EXOC6: variants seen among roughly 807,000 people sequenced by gnomAD.
EXOC6 encodes SEC15-like 1.
In EXOC6, 60 loss-of-function variants were observed where a neutral mutation model predicts 112.5. The ratio of observed to expected loss-of-function variants is 0.53; its 90% CI spans 0.43 to 0.66. The LOEUF (loss-of-function observed/expected upper bound fraction) is 0.66, where lower values mean the gene tolerates loss of function less well. Ranked by LOEUF, EXOC6 falls within the 30% of genes least tolerant of loss-of-function variation. The pLI, the probability that EXOC6 is intolerant of heterozygous loss-of-function variation, is 0.00. For synonymous variants in EXOC6, 295 were observed against 308.0 expected (o/e 0.96, Z 0.44); for missense variants, 855 against 957.1 (o/e 0.89, Z 1.41).
chr10:92,888,220 G>A (rs761894716), intron 1 of EXOC6, among the ~76,000 whole-genome samples: 114 of 152,092 alleles, frequency 7.5e-4, no homozygotes, highest in Admixed American at 1.5e-3. Flanking sequence ...TGGAGGGTGG[G>A]TATTGCATAT....
intron 18 of EXOC6, among the ~76,000 whole-genome samples, chr10:92,993,537 G>A (rs1843355263): frequency 6.6e-6 from 1 of 151,934 alleles, no homozygotes; most frequent in Non-Finnish European, 1.5e-5. Flanking sequence ...AAATTTAAAT[G>A]GGCCAAATTA....
At chr10:93,049,700 C>T (rs1846191107) in intron 20 of EXOC6, among the ~76,000 whole-genome samples, 1 of 152,206 alleles carries the variant, frequency 6.6e-6, no homozygotes, top group African/African-American at 2.4e-5. Context: ...CCACCTCAGC[C>T]TCCCAAGTAG....
At chr10:92,951,511 T>C (rs916094509) in intron 14 of EXOC6, among the ~76,000 whole-genome samples, 2 of 152,168 alleles carry the variant, frequency 1.3e-5, no homozygotes, top group African/African-American at 4.8e-5. Context: ...AAGAAACCAC[T>C]GGATTGAACA....
At chr10:92,894,701 C>CT in intron 2 of EXOC6, 93 bp from the exon 3 acceptor site, 1 of 954,046 alleles carries the variant, frequency 1.0e-6, no homozygotes, top group African/African-American at 1.7e-5. Context: ...TTCTAAGTTT[C>CT]TCATGAAGCA....
At chr10:92,916,193 G>A (rs1289283859) in intron 7 of EXOC6, among the ~76,000 whole-genome samples, 1 of 151,738 alleles carries the variant, frequency 6.6e-6, no homozygotes, top group Non-Finnish European at 1.5e-5. Context: ...AGGACAGCTA[G>A]CCGCTTACAT....
chr10:92,899,662 C>T lies in EXOC6; in HGVS notation c.458+18C>T. Reference sequence around the variant, plus strand: ...GCCAAAAGGTGAGTTGGTTTTTTTCCTATTGTTTTAAATAAGAATTTTTTT... The same window carrying T: ...GCCAAAAGGTGAGTTGGTTTTTTTCTTATTGTTTTAAATAAGAATTTTTTT... On this transcript the variant is annotated intron_variant, in intron 5 of 21. Transcript: ENST00000260762. 1 of 1,592,634 alleles carries T rather than the reference C, an allele frequency of 6.3e-7. No individual in the cohort carries two copies. Among genetic ancestry groups the T allele is most frequent in the Non-Finnish European group, 8.6e-7 (1 of 1,164,342 alleles).
chr10:92,836,016 A>G lies in EXOC6; in HGVS notation c.86+1192A>G, dbSNP rs1846645604. Among the ~76,000 whole-genome samples the G allele has an allele frequency of 2.6e-5, 4 of 152,244 alleles. No homozygotes were observed. The South Asian group carries it at 8.3e-4, about 32-fold the overall frequency. ...TACCATTGCCTTCTAAAACTTGTGC[A>G]TCCACCTAGTGGCTAGGTAGGTGGT... On this transcript the variant is annotated intron_variant, in intron 1 of 21. Transcript: ENST00000371552.
chr10:92,967,448 C>A (rs1489992970), intron 17 of EXOC6, among the ~76,000 whole-genome samples: 1 of 151,958 alleles, frequency 6.6e-6, no homozygotes, highest in Non-Finnish European at 1.5e-5. Flanking sequence ...TTTTTTAAAT[C>A]TAGGAAAATG....
At chr10:93,046,889 C>T (rs1009776853) in intron 20 of EXOC6, among the ~76,000 whole-genome samples, 3 of 152,106 alleles carry the variant, frequency 2.0e-5, no homozygotes, top group Admixed American at 2.0e-4. Flanking sequence ...TGAGCCACCA[C>T]GCCTGGCCCA....
rs1205040327 is a variant in EXOC6 at position 92,899,510 on chromosome 10, A to G, written c.413-89A>G. 5.7e-6 allele frequency: 5 copies of G among 873,402 alleles called. No individual in the cohort carries two copies. In the East Asian group the frequency reaches 1.0e-4, roughly 18 times the overall value. The allele number at this position is 873,402 out of a possible 1,614,324, so 54.1% of individuals were successfully genotyped here. ...AGTTGTAGAAGTCTAATGAATTTGT[A>G]ATATACTCTTTCCTGCTTTGATTAT... On this transcript the variant is annotated intron_variant, in intron 4 of 21. Transcript: ENST00000260762.
chr10:93,043,384 T>A (rs1845874012), intron 20 of EXOC6, among the ~76,000 whole-genome samples: 1 of 152,238 alleles, frequency 6.6e-6, no homozygotes, highest in Non-Finnish European at 1.5e-5. Context: ...TTTCAACCGA[T>A]CTGTAAATAC....
At chr10:93,055,117 A>G (rs1248745578) in intron 20 of EXOC6, among the ~76,000 whole-genome samples, 2 of 152,196 alleles carry the variant, frequency 1.3e-5, no homozygotes, top group African/African-American at 2.4e-5. Flanking sequence ...AGCTGGGACT[A>G]CAGGAACACA....
At chr10:93,016,299 C>CT (rs1844508792) in intron 20 of EXOC6, among the ~76,000 whole-genome samples, 1 of 115,908 alleles carries the variant, frequency 8.6e-6, no homozygotes, top group East Asian at 5.3e-4. Flanking sequence ...ATGCCTGGCT[C>CT]ATTTTTTTTT....
chr10:92,947,617 T>C (rs575025269), intron 13 of EXOC6, among the ~76,000 whole-genome samples: 31 of 152,248 alleles, frequency 2.0e-4, no homozygotes, highest in Middle Eastern at 3.4e-3. Flanking sequence ...CTATCAAGAA[T>C]TATGACAGGA....
intron 20 of EXOC6, among the ~76,000 whole-genome samples, chr10:93,039,860 T>C (rs555285635): frequency 6.6e-6 from 1 of 152,324 alleles, no homozygotes; most frequent in Non-Finnish European, 1.5e-5. Flanking sequence ...CAGAATGCTT[T>C]CTTCACCTCC....
chr10:92,831,621 G>A (rs1275312298), upstream of EXOC6, among the ~76,000 whole-genome samples: 1 of 151,968 alleles, frequency 6.6e-6, no homozygotes, highest in East Asian at 1.9e-4. Flanking sequence ...TTTTAGTAGA[G>A]ATGGGGTTTC....
intron 19 of EXOC6, among the ~76,000 whole-genome samples, chr10:93,008,588 T>C (rs1844099871): frequency 6.6e-6 from 1 of 152,180 alleles, no homozygotes; most frequent in South Asian, 2.1e-4. Context: ...ATAGTACTTC[T>C]AGAGATTTCA....
At chr10:92,949,459 A>G (rs966750081) in intron 14 of EXOC6, among the ~76,000 whole-genome samples, 2 of 151,936 alleles carry the variant, frequency 1.3e-5, no homozygotes, top group Non-Finnish European at 1.5e-5. Flanking sequence ...CTGTCAAGAA[A>G]TATCACCAGA....
chr10:92,885,218 A>G (rs1174571888), intron 1 of EXOC6, among the ~76,000 whole-genome samples: 4 of 152,320 alleles, frequency 2.6e-5, no homozygotes. Flanking sequence ...TGATATAATG[A>G]AGATAGAAAA....
Sources: gnomAD v4.1 joint callset for allele counts (sites outside exome capture counted in the v4.1 genomes callset) on GRCh38, gnomAD v4.1.1 for gene constraint, MANE v1.5 for transcripts, NCBI Gene and HGNC (gene_info 2026-07-23, HGNC 2026-07-21) for gene names.